VGLL4: variants seen among roughly 807,000 people sequenced by gnomAD.
VGLL4 encodes the protein transcription cofactor vestigial-like protein 4.
VGLL4 carries 7 observed loss-of-function variants against 21.0 expected under a neutral mutation model. The ratio of observed to expected loss-of-function variants is 0.33; its 90% CI spans 0.19 to 0.63. The LOEUF is 0.63. VGLL4 is among the 20% of genes least tolerant of loss of function. VGLL4 has a pLI of 0.78. For synonymous variants in VGLL4, 222 were observed against 173.2 expected (o/e 1.28, Z -2.21); for missense variants, 394 against 425.7 (o/e 0.93, Z 0.66).
intron 1 of VGLL4, among the ~76,000 whole-genome samples, chr3:11,634,340 G>C (rs931220557): frequency 2.0e-5 from 3 of 152,028 alleles, no homozygotes; most frequent in African/African-American, 7.2e-5. Context: ...CTCATCCGCT[G>C]TTCAATCCAT....
At chr3:11,594,349 G>A (rs1167792926) in intron 2 of VGLL4, among the ~76,000 whole-genome samples, 1 of 152,234 alleles carries the variant, frequency 6.6e-6, no homozygotes, top group African/African-American at 2.4e-5. Flanking sequence ...AAAAGACAGA[G>A]ATAGACAGAT....
At chr3:11,597,635 G>C (rs190763697) in intron 2 of VGLL4, among the ~76,000 whole-genome samples, 63 of 151,076 alleles carry the variant, frequency 4.2e-4, no homozygotes, top group Middle Eastern at 6.8e-3. Context: ...CATCATGATT[G>C]TGTCCTTGCT....
At position 11,557,447 on chromosome 3, in the gene VGLL4, G is replaced by T. The variant is rs1160808876; in HGVS notation, c.*1109C>A. The T allele has an allele frequency of 6.5e-6, 1 of 152,696 alleles. No homozygotes were observed. The highest frequency in any genetic ancestry group is 2.4e-5 in the African/African-American group (1 of 41,452). 9.5% of individuals were successfully genotyped at this position (152,696 alleles called of 1,614,324 possible). On this transcript the variant is annotated 3_prime_UTR_variant, in exon 5 of 5. Coordinates refer to ENST00000430365, the MANE Select transcript of VGLL4 (RefSeq NM_001128219.3). ...TCCCCTGGGAGCTTGTAACAAAGCAGACAGGGATGCAAAAATAAATGATGT... is the reference window on the plus strand; with the variant it reads ...TCCCCTGGGAGCTTGTAACAAAGCATACAGGGATGCAAAAATAAATGATGT...
At chr3:11,616,001 G>C (rs1282324712) in intron 1 of VGLL4, among the ~76,000 whole-genome samples, 3 of 152,058 alleles carry the variant, frequency 2.0e-5, no homozygotes, top group Admixed American at 6.5e-5. Flanking sequence ...GGAAGTCTTC[G>C]AACGTGGCCA....
chr3:11,646,875 C>T (rs967832013), upstream of VGLL4, among the ~76,000 whole-genome samples: 6 of 152,084 alleles, frequency 3.9e-5, no homozygotes, highest in African/African-American at 7.2e-5. Flanking sequence ...CAGAGGGGTT[C>T]GAGCACCAGG....
intron 1 of VGLL4, among the ~76,000 whole-genome samples, chr3:11,624,881 G>T (rs554209090): frequency 6.6e-6 from 1 of 152,074 alleles, no homozygotes; most frequent in African/African-American, 2.4e-5. Flanking sequence ...AGCTTCTCAC[G>T]ATTACATTTA....
At chr3:11,718,606 A>T (rs915188727) in intron 1 of VGLL4, among the ~76,000 whole-genome samples, 10 of 150,404 alleles carry the variant, frequency 6.6e-5, no homozygotes, top group Non-Finnish European at 1.0e-4. Context: ...AGGCAAATTA[A>T]TTTTTTTTTT....
Position 11,705,913 on chromosome 3 carries a change from T to A in VGLL4, c.-13-2866A>T, listed in dbSNP as rs535396721. On this transcript the variant is annotated intron_variant, in intron 1 of 5. Transcript: ENST00000273038. ...TCCAGCCTGGGCGACAGAGCGAGAC[T>A]CCGTCTCAAAAAAAAAAAAAAAAAG... 8.0e-3 allele frequency among the ~76,000 whole-genome samples: 940 copies of A among 117,838 alleles called. 10 individuals carry two copies. The highest frequency in any genetic ancestry group is 0.031 in the African/African-American group (879 of 28,744). 77.3% of individuals were successfully genotyped at this position (117,838 alleles called of 152,430 possible). A position where few individuals can be genotyped will look rare whatever the true frequency, so the allele number is the denominator to read the frequency against.
At chr3:11,709,060 C>T (rs1341452864) in intron 1 of VGLL4, among the ~76,000 whole-genome samples, 1 of 150,948 alleles carries the variant, frequency 6.6e-6, no homozygotes, top group Non-Finnish European at 1.5e-5. Context: ...GATTCCATCT[C>T]AAAAATAATA....
At chr3:11,605,419 A>G (rs1200986127) in intron 1 of VGLL4, among the ~76,000 whole-genome samples, 1 of 150,808 alleles carries the variant, frequency 6.6e-6, no homozygotes, top group Non-Finnish European at 1.5e-5. Flanking sequence ...CGAAACCCCA[A>G]CTGCCTTTCT....
At chr3:11,602,176 T>C (rs2074822018) in intron 1 of VGLL4, among the ~76,000 whole-genome samples, 154 bp from the exon 2 acceptor site, 1 of 151,958 alleles carries the variant, frequency 6.6e-6, no homozygotes. Context: ...CCTCTGAACA[T>C]GGTTTGAGTG....
At chr3:11,705,031 A>C (rs1255497497) in intron 1 of VGLL4, among the ~76,000 whole-genome samples, 1 of 152,240 alleles carries the variant, frequency 6.6e-6, no homozygotes, top group Non-Finnish European at 1.5e-5. Context: ...TACAAGAGTA[A>C]AATGGGGACA....
chr3:11,709,451 A>C (rs201408964), intron 1 of VGLL4, among the ~76,000 whole-genome samples: 192 of 136,616 alleles, frequency 1.4e-3, no homozygotes, highest in Middle Eastern at 3.7e-3. Flanking sequence ...AAAAAAAAAA[A>C]AAAAAAAAAC....
intron 2 of VGLL4, among the ~76,000 whole-genome samples, chr3:11,587,930 C>T (rs1469800911): frequency 6.6e-6 from 1 of 152,186 alleles, no homozygotes; most frequent in African/African-American, 2.4e-5. Context: ...CTGGTGCTAC[C>T]GACTGAACCT....
At chr3:11,596,486 T>C (rs1429331792) in intron 2 of VGLL4, among the ~76,000 whole-genome samples, 3 of 152,182 alleles carry the variant, frequency 2.0e-5, no homozygotes, top group African/African-American at 7.2e-5. Flanking sequence ...TGTGTGGATG[T>C]AGTTCTTACT....
intron 2 of VGLL4, among the ~76,000 whole-genome samples, chr3:11,669,468 G>C (rs2076173514): frequency 6.6e-6 from 1 of 152,164 alleles, no homozygotes; most frequent in African/African-American, 2.4e-5. Flanking sequence ...TCCTTTGACA[G>C]TATAATTACA....
At chr3:11,599,127 G>A (rs2442776) in intron 2 of VGLL4, among the ~76,000 whole-genome samples, 123,266 of 152,084 alleles carry the variant, frequency 0.81, 50,330 homozygotes, top group Non-Finnish European at 0.86. Context: ...TGTGAAATCT[G>A]TCATTAGGCT....
chr3:11,666,295 C>T lies in VGLL4; in HGVS notation c.64+36676G>A, dbSNP rs375035829. 2.5e-4 allele frequency among the ~76,000 whole-genome samples: 37 copies of T among 150,412 alleles called. No homozygotes were observed. The East Asian group carries it at 5.7e-3, about 23-fold the overall frequency. On this transcript the variant is annotated intron_variant, in intron 2 of 5. Transcript: ENST00000273038. Reference sequence around the variant, plus strand: ...GTTCATTCTGTGCTGCGGGAAAGCACATGCAAAGGCCCCGAGGCAGGAGGA... The same window carrying T: ...GTTCATTCTGTGCTGCGGGAAAGCATATGCAAAGGCCCCGAGGCAGGAGGA...
intron 1 of VGLL4, chr3:11,703,063 A>G: frequency 6.6e-7 from 1 of 1,513,208 alleles, no homozygotes; most frequent in Non-Finnish European, 8.8e-7. Context: ...AGGAAAAAAT[A>G]AAAGGGGAAA....
Sources: gnomAD v4.1 joint callset for allele counts (sites outside exome capture counted in the v4.1 genomes callset) on GRCh38, gnomAD v4.1.1 for gene constraint, MANE v1.5 for transcripts, NCBI Gene and HGNC (gene_info 2026-07-23, HGNC 2026-07-21) for gene names.